The following CFAP54 variants were observed in gnomAD, a reference collection of about 807,000 sequenced individuals.
CFAP54 encodes cilia and flagella associated protein 54, also known as cilia- and flagella-associated protein 54.
Under a neutral mutation model 370.4 loss-of-function variants are expected in CFAP54, and 290 were observed. That is an observed-to-expected ratio of 0.78 (90% CI 0.71 to 0.86). The LOEUF (loss-of-function observed/expected upper bound fraction) is 0.86. Among genes scored for constraint, CFAP54 ranks in the 40% least tolerant of loss-of-function variants. CFAP54 has a pLI of 0.00. For missense variants in CFAP54, 3,399 were observed against 3,528.7 expected, an observed-to-expected ratio of 0.96 and a Z score of 0.93; for synonymous variants, 1,206 against 1,236.5, an observed-to-expected ratio of 0.98 and a Z score of 0.52.
intron 13 of CFAP54, among the ~76,000 whole-genome samples, chr12:96,539,143 C>T (rs1180617582): frequency 6.9e-6 from 1 of 145,912 alleles, no homozygotes; most frequent in Admixed American, 7.0e-5. Context: ...TAACTGCAAC[C>T]TCTGCCTGCC....
At chr12:96,734,615 A>G (rs1957959213) in intron 50 of CFAP54, among the ~76,000 whole-genome samples, 1 of 152,194 alleles carries the variant, frequency 6.6e-6, no homozygotes, top group Admixed American at 6.5e-5. Context: ...TCCCAAGATC[A>G]CACAGTTAAT....
In CFAP54 at chr12:96,732,477, TG is replaced by T. The variant is rs1247264631; in HGVS notation, c.6966-7477del. Among the ~76,000 whole-genome samples, 7 of 152,314 alleles carry T rather than the reference TG, an allele frequency of 4.6e-5. No individual in the cohort carries two copies. The East Asian group carries it at 1.3e-3, about 29-fold the overall frequency. On this transcript the variant is annotated intron_variant, in intron 50 of 67. Coordinates refer to ENST00000524981, the MANE Select transcript of CFAP54 (RefSeq NM_001306084.2). The stretch of plus-strand genomic sequence containing the variant: ...TTAAACAAGACATTAAAGAGATTCA[TG>T]GCATTCTTCTCATGAATTTTTTTGA...
chr12:96,769,620 T>A (rs2136676821), intron 60 of CFAP54, among the ~76,000 whole-genome samples: 1 of 152,186 alleles, frequency 6.6e-6, no homozygotes, highest in South Asian at 2.1e-4. Flanking sequence ...ACTCTTTCTT[T>A]CTCTGGGCAT....
intron 66 of CFAP54, among the ~76,000 whole-genome samples, chr12:96,850,288 G>C (rs1353823647): frequency 1.3e-5 from 2 of 151,876 alleles, no homozygotes; most frequent in African/African-American, 2.4e-5. Context: ...AGGAGGTGGA[G>C]GTTGCAGTGA....
intron 63 of CFAP54, among the ~76,000 whole-genome samples, chr12:96,799,114 G>A (rs939396309): frequency 6.6e-6 from 1 of 152,164 alleles, no homozygotes; most frequent in Non-Finnish European, 1.5e-5. Flanking sequence ...AGGATAGAAG[G>A]AAGGAGGGGA....
chr12:96,839,818 T>C (rs1959200452), intron 66 of CFAP54, among the ~76,000 whole-genome samples: 1 of 152,140 alleles, frequency 6.6e-6, no homozygotes, highest in Non-Finnish European at 1.5e-5. Flanking sequence ...CTGTTGGTTG[T>C]TGGCTGGGGG....
In CFAP54 at chr12:96,705,426, T is replaced by C. The variant is rs1475579787; in HGVS notation, c.6528+630T>C. ...TATCCTTCAGATGATTCATTGTTTT[T>C]TTTTTCCTAAAAATTTGTTTTAATT... On this transcript the variant is annotated intron_variant, in intron 47 of 67. Transcript: ENST00000524981. Among the ~76,000 whole-genome samples the C allele has an allele frequency of 7.2e-5, 11 of 152,110 alleles. No individual in the cohort carries two copies. In the East Asian group the frequency reaches 2.1e-3, roughly 29 times the overall value.
At chr12:96,690,470 T>C (rs989451935) in intron 43 of CFAP54, among the ~76,000 whole-genome samples, 12 of 152,206 alleles carry the variant, frequency 7.9e-5, no homozygotes, top group African/African-American at 2.7e-4. Context: ...CTCCAACATC[T>C]AGTGTAATGT....
intron 1 of CFAP54, among the ~76,000 whole-genome samples, chr12:96,500,571 T>C (rs538517385): frequency 6.6e-6 from 1 of 152,190 alleles, no homozygotes; most frequent in Non-Finnish European, 1.5e-5. Context: ...TCTCAGAATC[T>C]TCTGCTCAAT....
chr12:96,755,450 C>T (rs544679988), intron 56 of CFAP54, among the ~76,000 whole-genome samples: 91 of 152,010 alleles, frequency 6.0e-4, no homozygotes, highest in African/African-American at 2.1e-3. Context: ...ACTTTGTACC[C>T]TTTGACCAAT....
chr12:96,867,495 A>G (rs1960035432), intron 67 of CFAP54, among the ~76,000 whole-genome samples: 2 of 152,202 alleles, frequency 1.3e-5, no homozygotes, highest in Non-Finnish European at 2.9e-5. Context: ...AGGATATGGA[A>G]TCAACGTAAG....
chr12:96,695,441 C>G (rs1957431875), intron 45 of CFAP54, among the ~76,000 whole-genome samples: 1 of 152,118 alleles, frequency 6.6e-6, no homozygotes, highest in African/African-American at 2.4e-5. Context: ...TAATTTTAAC[C>G]TGGGAATAAA....
At chr12:96,691,586 T>C (rs1291756859) in intron 44 of CFAP54, among the ~76,000 whole-genome samples, 1 of 152,192 alleles carries the variant, frequency 6.6e-6, no homozygotes, top group East Asian at 1.9e-4. Context: ...TTGATCAGAA[T>C]GCATCACTGA....
intron 60 of CFAP54, among the ~76,000 whole-genome samples, chr12:96,782,200 G>A (rs1426816774): frequency 2.0e-5 from 3 of 151,854 alleles, no homozygotes; most frequent in Non-Finnish European, 2.9e-5. Flanking sequence ...ATTACAAGTG[G>A]GAAAACATGC....
intron 63 of CFAP54, among the ~76,000 whole-genome samples, chr12:96,807,285 T>C (rs1482947737): frequency 6.6e-6 from 1 of 152,176 alleles, no homozygotes; most frequent in African/African-American, 2.4e-5. Context: ...ACTTTTCTCA[T>C]CCCTACTATT....
intron 22 of CFAP54, among the ~76,000 whole-genome samples, chr12:96,583,743 G>A (rs1030449500): frequency 6.6e-6 from 1 of 152,158 alleles, no homozygotes. Context: ...ACTTGGACCA[G>A]CTCATGCCTT....
At chr12:96,802,889 T>C (rs979893578) in intron 63 of CFAP54, among the ~76,000 whole-genome samples, 8 of 152,294 alleles carry the variant, frequency 5.3e-5, no homozygotes, top group Admixed American at 5.2e-4. Context: ...CCATGTGTTC[T>C]CATTGTTCAA....
chr12:96,534,645 A>G (rs1318077582), intron 11 of CFAP54, among the ~76,000 whole-genome samples: 2 of 152,184 alleles, frequency 1.3e-5, no homozygotes, highest in South Asian at 2.1e-4. Flanking sequence ...AGTGTTTGCC[A>G]TTCTAGGACT....
chr12:96,621,499 T>C (rs1956488125), intron 26 of CFAP54, 91 bp from the exon 27 acceptor site: 1 of 924,736 alleles, frequency 1.1e-6, no homozygotes, highest in Admixed American at 3.3e-5. Context: ...GAAAACTCTA[T>C]GGGGCTTTTG....
Sources: gnomAD v4.1 joint callset for allele counts (sites outside exome capture counted in the v4.1 genomes callset) on GRCh38, gnomAD v4.1.1 for gene constraint, MANE v1.5 for transcripts, NCBI Gene and HGNC (gene_info 2026-07-23, HGNC 2026-07-21) for gene names.